The following FSAF1 variants were observed in gnomAD, a reference collection of about 807,000 sequenced individuals.
FSAF1 encodes uncharacterized protein C1orf131.
chr1:231,227,183 G>T, the FSAF1 span: 1 of 1,037,092 alleles, frequency 9.6e-7, no homozygotes, highest in Non-Finnish European at 1.5e-6. Flanking sequence ...CAGCGTACAG[G>T]AATAATAACT....
At chr1:231,229,989 T>C in the FSAF1 span, among the ~76,000 whole-genome samples, 1 of 152,090 alleles carries the variant, frequency 6.6e-6, no homozygotes, top group Non-Finnish European at 1.5e-5. Context: ...ATGGCTAAAA[T>C]GGTCAATTTT....
the FSAF1 span, among the ~76,000 whole-genome samples, chr1:231,232,023 T>C: frequency 6.6e-6 from 1 of 152,230 alleles, no homozygotes; most frequent in Non-Finnish European, 1.5e-5. Flanking sequence ...GATCTGTGCA[T>C]GTATCAAACA....
At chr1:231,225,172 T>A in the FSAF1 span, 1 of 461,062 alleles carries the variant, frequency 2.2e-6, no homozygotes, top group East Asian at 3.5e-5. Context: ...AGACCCAGAC[T>A]ACGCTGCTGT....
chr1:231,225,601 CAA>C, the FSAF1 span: 2 of 1,289,288 alleles, frequency 1.6e-6, no homozygotes, highest in Non-Finnish European at 1.1e-6. Flanking sequence ...GGTTTGTGAC[CAA>C]AAGTCATTGA....
the FSAF1 span, among the ~76,000 whole-genome samples, chr1:231,229,836 G>A: frequency 3.3e-5 from 5 of 152,156 alleles, no homozygotes; most frequent in African/African-American, 1.2e-4. Flanking sequence ...GGGCTGGAGG[G>A]AGGGGAATGG....
the FSAF1 span, among the ~76,000 whole-genome samples, chr1:231,232,165 T>C: frequency 1.0e-3 from 157 of 152,344 alleles, 1 homozygote; most frequent in African/African-American, 3.7e-3. Flanking sequence ...TTATTCATAA[T>C]ACATGACCTG....
chr1:231,226,684 A>G, the FSAF1 span: 2 of 1,479,074 alleles, frequency 1.4e-6, no homozygotes, highest in Non-Finnish European at 9.5e-7. Context: ...CCACTGTGGC[A>G]AAGAGCATCC....
the FSAF1 span, chr1:231,227,037 G>A: frequency 7.3e-5 from 118 of 1,613,974 alleles, no homozygotes; most frequent in South Asian, 7.2e-4. Flanking sequence ...TCCATAACCC[G>A]TGATACCAAA....
the FSAF1 span, chr1:231,236,555 A>G: frequency 6.6e-6 from 1 of 152,234 alleles, no homozygotes; most frequent in Non-Finnish European, 1.5e-5. Context: ...ATGTTCTATT[A>G]TTAAGCAACA....
the FSAF1 span, chr1:231,224,598 C>G: frequency 1.8e-6 from 1 of 557,388 alleles, no homozygotes; most frequent in Non-Finnish European, 3.1e-6. Flanking sequence ...CCTCAGGGCC[C>G]TTGCACTGGT....
At chr1:231,227,709 C>T in the FSAF1 span, among the ~76,000 whole-genome samples, 1 of 151,668 alleles carries the variant, frequency 6.6e-6, no homozygotes, top group Non-Finnish European at 1.5e-5. Flanking sequence ...CTGCCTCAGC[C>T]TCCCGAGTAG....
chr1:231,238,440 C>A, the FSAF1 span: 9 of 162,674 alleles, frequency 5.5e-5, no homozygotes, highest in South Asian at 1.1e-3. Context: ...ACTCAGCAGG[C>A]CTGTGTTTAC....
the FSAF1 span, chr1:231,239,197 T>C: frequency 1.3e-6 from 2 of 1,536,338 alleles, no homozygotes; most frequent in African/African-American, 2.8e-5. Context: ...TCCTGTTTGT[T>C]CAAACACAAG....
the FSAF1 span, among the ~76,000 whole-genome samples, chr1:231,228,386 G>C: frequency 6.6e-6 from 1 of 152,104 alleles, no homozygotes; most frequent in Non-Finnish European, 1.5e-5. Flanking sequence ...ATCACTTGAG[G>C]TCAGGAGTTC....
At chr1:231,240,900 G>A in the FSAF1 span, 1 of 838,474 alleles carries the variant, frequency 1.2e-6, no homozygotes, top group African/African-American at 1.7e-5. The surrounding 1 kb of genome is among the most constrained non-coding windows in gnomAD (Gnocchi z 4.1). Context: ...CAGGTGGGAC[G>A]AAGGGTGCTT....
the FSAF1 span, chr1:231,238,720 G>T: frequency 1.3e-6 from 1 of 760,970 alleles, no homozygotes; most frequent in Non-Finnish European, 2.1e-6. Flanking sequence ...GCTGAGTCTT[G>T]GGTCCTGTGA....
the FSAF1 span, chr1:231,238,556 A>G: frequency 1.1e-4 from 26 of 245,030 alleles, no homozygotes; most frequent in Non-Finnish European, 1.8e-4. Context: ...GTGTTTTTGC[A>G]TACCTGAGGT....
chr1:231,226,661 G>A, the FSAF1 span: 36 of 1,308,494 alleles, frequency 2.8e-5, no homozygotes, highest in African/African-American at 8.8e-5. Flanking sequence ...TCCAAGCAGC[G>A]GCTTCCGGCA....
chr1:231,224,300 A>T, the FSAF1 span: 3 of 1,611,258 alleles, frequency 1.9e-6, no homozygotes, highest in Non-Finnish European at 2.5e-6. Flanking sequence ...CTCTGGAAGA[A>T]TTTATTTTCT....
Sources: gnomAD v4.1 joint callset for allele counts (sites outside exome capture counted in the v4.1 genomes callset) on GRCh38, gnomAD v4.1.1 for gene constraint, Gnocchi (gnomAD v3.1) non-coding constraint, MANE v1.5 for transcripts, NCBI Gene and HGNC (gene_info 2026-07-23, HGNC 2026-07-21) for gene names.